FANCA: variants seen among roughly 807,000 people sequenced by gnomAD.
The protein encoded by FANCA is Fanconi anemia group A protein.
FANCA carries 236 observed loss-of-function variants against 194.3 expected under a neutral mutation model. The ratio of observed to expected loss-of-function variants is 1.21; its 90% CI spans 1.09 to 1.35. The LOEUF (loss-of-function observed/expected upper bound fraction) is 1.35, where lower values mean the gene tolerates loss of function less well. Among genes scored for constraint, FANCA ranks in the 40% most tolerant of loss-of-function variants. The probability of loss-of-function intolerance (pLI) is 0.00; values close to 1 mark genes in which losing one functional copy is unlikely to be tolerated. For missense variants in FANCA, 2,628 were observed against 1,813.9 expected (o/e 1.45, Z -8.15); for synonymous variants, 1,014 against 715.8 (o/e 1.42, Z -6.65).
At chr16:89,749,672 C>G (rs2038512057) in intron 32 of FANCA, 58 bp downstream of exon 32, 1 of 1,574,126 alleles carries the variant, frequency 6.4e-7, no homozygotes, top group East Asian at 2.3e-5. Flanking sequence ...CTAGGACCGT[C>G]ATGAGATGCT....
At chr16:89,797,953 G>C (rs1206835973) in intron 10 of FANCA, among the ~76,000 whole-genome samples, 1 of 152,002 alleles carries the variant, frequency 6.6e-6, no homozygotes, top group Non-Finnish European at 1.5e-5. Flanking sequence ...AAAATCGGCA[G>C]GTCAGTGGTT....
At chr16:89,753,731 C>G (rs1292431616) in intron 30 of FANCA, among the ~76,000 whole-genome samples, 1 of 152,146 alleles carries the variant, frequency 6.6e-6, no homozygotes, top group East Asian at 1.9e-4. Context: ...GTCCTCTCTA[C>G]ACTCAGAACA....
At chr16:89,770,134 C>G (rs778416313) in intron 25 of FANCA, 32 bp downstream of exon 25, 1 of 1,572,410 alleles carries the variant, frequency 6.4e-7, no homozygotes, top group African/African-American at 1.3e-5. Flanking sequence ...GAGTGGGCCC[C>G]CAAGGGTGGC....
chr16:89,809,260 T>C (rs1439974808), intron 5 of FANCA, among the ~76,000 whole-genome samples: 1 of 152,076 alleles, frequency 6.6e-6, no homozygotes, highest in African/African-American at 2.4e-5. Flanking sequence ...CTCTCCAATC[T>C]GATATGCATG....
intron 21 of FANCA, among the ~76,000 whole-genome samples, chr16:89,775,184 A>T (rs564443100): frequency 6.6e-6 from 1 of 152,052 alleles, no homozygotes; most frequent in African/African-American, 2.4e-5. Context: ...TACTGGAGAT[A>T]AAGCCACACA....
At chr16:89,773,559 G>C (rs914380320) in intron 21 of FANCA, among the ~76,000 whole-genome samples, 175 bp from the exon 22 acceptor site, 4 of 152,156 alleles carry the variant, frequency 2.6e-5, no homozygotes, top group East Asian at 1.9e-4. Flanking sequence ...CCTGATGCTG[G>C]ATGCCACATC....
At chr16:89,741,211 C>T (rs35365882) in intron 37 of FANCA, among the ~76,000 whole-genome samples, 2 of 152,204 alleles carry the variant, frequency 1.3e-5, no homozygotes, top group South Asian at 2.1e-4. Flanking sequence ...TTTGTAAAAT[C>T]CTTGAAGATA....
intron 8 of FANCA, among the ~76,000 whole-genome samples, chr16:89,803,029 T>C (rs567474952): frequency 3.9e-5 from 6 of 152,312 alleles, no homozygotes; most frequent in African/African-American, 1.2e-4. Flanking sequence ...TCAAAGTAAC[T>C]GCAACATGTG....
chr16:89,800,969 C>T (rs550990640), intron 8 of FANCA, among the ~76,000 whole-genome samples: 3 of 148,772 alleles, frequency 2.0e-5, no homozygotes, highest in African/African-American at 7.5e-5. Context: ...GTAGGCGGAG[C>T]TTGCAGTGAA....
chr16:89,797,785 C>T (rs539043012), intron 10 of FANCA, among the ~76,000 whole-genome samples: 2 of 152,028 alleles, frequency 1.3e-5, no homozygotes, highest in African/African-American at 2.4e-5. Context: ...ATCCCAGCTA[C>T]TCAGGAGGCT....
chr16:89,803,813 G>T (rs888124247), intron 7 of FANCA, among the ~76,000 whole-genome samples: 5 of 151,928 alleles, frequency 3.3e-5, no homozygotes, highest in Admixed American at 6.6e-5. Context: ...TAGAGATGGG[G>T]TTTCACCATC....
At position 89,807,704 on chromosome 16, in the gene FANCA, G is replaced by A. The variant is rs532160244; in HGVS notation, c.596+590C>T. ...TGGAGCCCATCCTGGCTAACATGGT[G>A]AAACCCAGTCTCTACTAAAAATACA... On this transcript the variant is annotated intron_variant, in intron 6 of 42. Coordinates refer to ENST00000389301, the MANE Select transcript of FANCA (RefSeq NM_000135.4). Among the ~76,000 whole-genome samples, 18 of 151,944 alleles carry A rather than the reference G, an allele frequency of 1.2e-4. No homozygotes were observed. In the South Asian group the frequency reaches 3.5e-3, roughly 30 times the overall value.
At chr16:89,782,260 C>A (rs2143454346) in intron 17 of FANCA, among the ~76,000 whole-genome samples, 1 of 152,056 alleles carries the variant, frequency 6.6e-6, no homozygotes, top group South Asian at 2.1e-4. Flanking sequence ...GCCTGTAATC[C>A]CAGCACTTTG....
intron 10 of FANCA, among the ~76,000 whole-genome samples, chr16:89,796,366 G>C (rs763582651): frequency 6.6e-6 from 1 of 152,150 alleles, no homozygotes; most frequent in South Asian, 2.1e-4. Context: ...GAGCCAACCC[G>C]ACGGGGCCTC....
chr16:89,745,044 G>C lies in FANCA; in HGVS notation c.3541C>G (p.Leu1181Val). Residue 1181 changes from leucine (L) to valine (V), a missense_variant, in exon 36 of 43, where the codon CTG (leucine) becomes GTG (valine). Transcript: ENST00000389301. ...LVWWPSLEPV[L>V]LCRWRRHCQS... is the part of the protein sequence containing the mutation. ...CAGTGTCTCCTCCACCGGCAGAGCA[G>C]CACAGGCTCCAGGCTCGGCCACCAC... 6.2e-7 allele frequency: 1 copy of C among 1,609,180 alleles called. No homozygotes were observed. Among genetic ancestry groups the C allele is most frequent in the Non-Finnish European group, 8.5e-7 (1 of 1,179,616 alleles).
intron 30 of FANCA, among the ~76,000 whole-genome samples, chr16:89,756,419 A>G (rs2038768736): frequency 6.6e-6 from 1 of 152,212 alleles, no homozygotes; most frequent in African/African-American, 2.4e-5. Flanking sequence ...ACCTGAGGTC[A>G]GAAGTTCAAG....
At chr16:89,758,798 C>A in intron 29 of FANCA, 93 bp from the exon 30 acceptor site, 1 of 1,579,606 alleles carries the variant, frequency 6.3e-7, no homozygotes, top group South Asian at 1.1e-5. Context: ...AAGGGACACA[C>A]AGCACTAGTG....
Position 89,742,805 on chromosome 16 carries a change from C to T in FANCA, c.3760G>A (p.Glu1254Lys), listed in dbSNP as rs375700263. 5.0e-6 allele frequency: 8 copies of T among 1,614,114 alleles called. No homozygotes were observed. The highest frequency in any genetic ancestry group is 1.6e-4 in the Middle Eastern group (1 of 6,062). ...KQLKKLDCER[E>K]ELLVFLFFFS... ...AAAAGAATTTCCTATCTTGCCTCCT[C>T]TCTCTCGCAGTCCAGCTTCTTTAGC... The change falls in exon 37 of 43, where the codon GAG becomes AAG. Residue 1254 changes from glutamate (E) to lysine (K), a missense_variant. Coordinates refer to ENST00000389301, the MANE Select transcript of FANCA (RefSeq NM_000135.4).
chr16:89,767,706 G>A (rs913311253), intron 26 of FANCA, among the ~76,000 whole-genome samples: 2 of 152,134 alleles, frequency 1.3e-5, no homozygotes, highest in African/African-American at 2.4e-5. Context: ...CAGCCTCCAT[G>A]CCCAGCTAAT....
Sources: gnomAD v4.1 joint callset for allele counts (sites outside exome capture counted in the v4.1 genomes callset) on GRCh38, gnomAD v4.1.1 for gene constraint, MANE v1.5 for transcripts, NCBI Gene and HGNC (gene_info 2026-07-23, HGNC 2026-07-21) for gene names.